PCDH9: variants seen among roughly 807,000 people sequenced by gnomAD.
PCDH9 encodes protocadherin 9.
PCDH9 carries 24 observed loss-of-function variants against 70.6 expected under a neutral mutation model. The observed-to-expected ratio is 0.34, with a 90% CI of 0.25 to 0.48. PCDH9 has a LOEUF of 0.48. PCDH9 is among the 20% of genes least tolerant of loss of function. PCDH9 has a pLI of 0.99. For missense variants in PCDH9, 1,281 were observed against 1,503.6 expected (o/e 0.85, Z 2.45); for synonymous variants, 562 against 558.5 (o/e 1.01, Z -0.09).
chr13:66,617,132 A>G (rs2077365482), intron 4 of PCDH9, among the ~76,000 whole-genome samples: 1 of 152,218 alleles, frequency 6.6e-6, no homozygotes, highest in Admixed American at 6.5e-5. Context: ...AAGGAGATAT[A>G]GGTGAGAGCA....
chr13:67,096,561 T>C (rs1268572635), intron 2 of PCDH9, among the ~76,000 whole-genome samples: 1 of 152,090 alleles, frequency 6.6e-6, no homozygotes, highest in Non-Finnish European at 1.5e-5. Flanking sequence ...TTACATCAGG[T>C]TGGTGAAAGG....
At chr13:66,973,731 C>T (rs1273199132) in intron 2 of PCDH9, among the ~76,000 whole-genome samples, 14 of 151,894 alleles carry the variant, frequency 9.2e-5, no homozygotes, top group Non-Finnish European at 1.9e-4. Flanking sequence ...TTCAAATAAC[C>T]TTTACATTTT....
chr13:66,795,239 T>C (rs1465915594), intron 3 of PCDH9, among the ~76,000 whole-genome samples: 1 of 152,098 alleles, frequency 6.6e-6, no homozygotes, highest in Non-Finnish European at 1.5e-5. Context: ...GCATCCCTAA[T>C]CCAAAAATTC....
At chr13:66,872,315 A>T (rs923582662) in intron 3 of PCDH9, among the ~76,000 whole-genome samples, 2 of 152,158 alleles carry the variant, frequency 1.3e-5, no homozygotes, top group Non-Finnish European at 2.9e-5. Context: ...TCATAGGGCA[A>T]CATAAGATTC....
At chr13:67,115,831 T>G (rs751807381) in intron 2 of PCDH9, among the ~76,000 whole-genome samples, 2 of 152,188 alleles carry the variant, frequency 1.3e-5, no homozygotes, top group African/African-American at 2.4e-5. Flanking sequence ...AAATAAAATA[T>G]TTGACAGGTT....
At chr13:66,492,148 G>C (rs558677216) in intron 4 of PCDH9, among the ~76,000 whole-genome samples, 1 of 152,236 alleles carries the variant, frequency 6.6e-6, no homozygotes, top group South Asian at 2.1e-4. Context: ...TTTGTCTTCT[G>C]TTGTGATACT....
In PCDH9 at chr13:66,336,259, AT is replaced by A. The variant is rs879606589; in HGVS notation, c.3341-31232del. Reference sequence around the variant, plus strand: ...ATACTCCGCTTAAAGGCTTTGCAGGATTTTTTTTTTTTTAATTTACAAAATC... The same window carrying A: ...ATACTCCGCTTAAAGGCTTTGCAGGATTTTTTTTTTTTAATTTACAAAATC... On this transcript the variant is annotated intron_variant, in intron 4 of 4. Transcript: ENST00000377865. 8.3e-3 allele frequency among the ~76,000 whole-genome samples: 1,205 copies of A among 145,464 alleles called. 8 individuals are homozygous for A. Among genetic ancestry groups the A allele is most frequent in the African/African-American group, 0.018 (713 of 40,120 alleles).
In PCDH9 at chr13:66,304,654, C is replaced by A. The variant is rs900425982; in HGVS notation, c.*1G>T. The A allele has an allele frequency of 6.2e-7, 1 of 1,611,806 alleles. No homozygotes were observed. The highest frequency in any genetic ancestry group is 8.5e-7 in the Non-Finnish European group (1 of 1,178,398). On this transcript the variant is annotated 3_prime_UTR_variant, in exon 5 of 5. Coordinates refer to ENST00000377865, the MANE Select transcript of PCDH9 (RefSeq NM_203487.3). Reference sequence around the variant, plus strand: ...GTTATTAGGTCCCATATAGCCTTTTCTTAGAGTTGGTGCTCCTTAGGACTC... The same window carrying A: ...GTTATTAGGTCCCATATAGCCTTTTATTAGAGTTGGTGCTCCTTAGGACTC...
chr13:66,703,158 A>T (rs2078668563), intron 3 of PCDH9, among the ~76,000 whole-genome samples: 2 of 152,224 alleles, frequency 1.3e-5, no homozygotes, highest in South Asian at 4.1e-4. Context: ...CATTACCCAC[A>T]ATTTTAAGAT....
intron 4 of PCDH9, among the ~76,000 whole-genome samples, chr13:66,561,304 C>A (rs186559467): frequency 3.9e-5 from 6 of 152,230 alleles, no homozygotes; most frequent in East Asian, 3.9e-4. Context: ...GGCTTCCCCC[C>A]ACCCACTCTG....
rs1445191742 is a variant in PCDH9, at chr13:66,782,780, CAAGT to C, written c.3138+120720_3138+120723del. The C allele has an allele frequency of 6.6e-5, 10 of 152,120 alleles. No homozygotes were observed. In the East Asian group the frequency reaches 1.9e-3, roughly 29 times the overall value. The allele number at this position is 152,120 out of a possible 1,614,324, so 9.4% of individuals were successfully genotyped here. ...TGGAGTTTATTCAGAGAGAATATCT[CAAGT>C]AAGGGAGTGTGCCCTGTAAGAGGTA... is the stretch of plus-strand genomic sequence containing the variant. On this transcript the variant is annotated intron_variant, in intron 3 of 4. Coordinates refer to ENST00000377865, the MANE Select transcript of PCDH9 (RefSeq NM_203487.3).
intron 3 of PCDH9, among the ~76,000 whole-genome samples, chr13:66,743,638 T>A (rs1593992554): frequency 6.6e-6 from 1 of 152,020 alleles, no homozygotes; most frequent in East Asian, 1.9e-4. Flanking sequence ...GCTAAGAGAG[T>A]AGATTTTAAG....
rs1170080227 is a variant in PCDH9, at chr13:67,127,773, G to A, written c.3036+97632C>T. 2.0e-5 allele frequency among the ~76,000 whole-genome samples: 3 copies of A among 150,304 alleles called. No homozygotes were observed. In the East Asian group the frequency reaches 5.9e-4, roughly 29 times the overall value. The stretch of plus-strand genomic sequence containing the variant: ...ATGTCAAACCATGCCTTTTCTAATT[G>A]CACTAGTGTGGATACCAGCAACTCA... On this transcript the variant is annotated intron_variant, in intron 2 of 4. Coordinates refer to ENST00000377865, the MANE Select transcript of PCDH9 (RefSeq NM_203487.3).
intron 3 of PCDH9, among the ~76,000 whole-genome samples, chr13:66,688,013 T>C (rs565058456): frequency 6.6e-6 from 1 of 152,214 alleles, no homozygotes; most frequent in South Asian, 2.1e-4. Flanking sequence ...TAATGGTTTT[T>C]TGTCTGTACT....
Position 66,603,664 on chromosome 13 carries a change from T to C in PCDH9, c.3340+27546A>G, listed in dbSNP as rs774022526. ...CACTTTTGGATGTCATGTGGAGATA[T>C]GACACTTATTCAAAAGCGTAAGAAT... On this transcript the variant is annotated intron_variant, in intron 4 of 4. Transcript: ENST00000377865. Among the ~76,000 whole-genome samples, 121 of 152,142 alleles carry C rather than the reference T, an allele frequency of 8.0e-4. 1 individual carries two copies. The highest frequency in any genetic ancestry group is 1.3e-3 in the Non-Finnish European group (87 of 67,942).
At chr13:66,346,113 A>G (rs1442698207) in intron 4 of PCDH9, among the ~76,000 whole-genome samples, 2 of 152,178 alleles carry the variant, frequency 1.3e-5, no homozygotes, top group African/African-American at 4.8e-5. Flanking sequence ...TCACGACCCA[A>G]ATTATATTCA....
At chr13:66,772,622 A>G (rs1788628755) in intron 3 of PCDH9, among the ~76,000 whole-genome samples, 1 of 152,148 alleles carries the variant, frequency 6.6e-6, no homozygotes, top group Admixed American at 6.5e-5. Context: ...ATAACATGGT[A>G]TGAATCTTGG....
chr13:67,034,980 A>C (rs1311027166), intron 2 of PCDH9, among the ~76,000 whole-genome samples: 1 of 152,076 alleles, frequency 6.6e-6, no homozygotes, highest in Admixed American at 6.6e-5. Flanking sequence ...AAAATATGGC[A>C]GTTGTTCAGA....
At chr13:66,933,362 G>T (rs1488851664) in intron 2 of PCDH9, among the ~76,000 whole-genome samples, 1 of 152,066 alleles carries the variant, frequency 6.6e-6, no homozygotes, top group African/African-American at 2.4e-5. Flanking sequence ...GCTGAACAAG[G>T]TAAGTAAATG....
Sources: allele counts gnomAD v4.1 joint callset (sites outside exome capture counted in the v4.1 genomes callset), GRCh38; gene constraint gnomAD v4.1.1; transcripts MANE v1.5; gene names NCBI Gene and HGNC (gene_info 2026-07-23, HGNC 2026-07-21).